Variants in CTNNA3 observed in about 807,000 individuals in gnomAD.
CTNNA3 encodes catenin alpha 3.
In CTNNA3, 76 loss-of-function variants were observed where a neutral mutation model predicts 95.7. That is an observed-to-expected ratio of 0.79 (90% CI 0.66 to 0.96). The LOEUF (loss-of-function observed/expected upper bound fraction) is 0.96, where lower values mean the gene tolerates loss of function less well. Ranked by LOEUF, CTNNA3 falls within the 40% of genes least tolerant of loss-of-function variation. The probability of loss-of-function intolerance (pLI) is 0.00; values close to 1 mark genes in which losing one functional copy is unlikely to be tolerated. For synonymous variants in CTNNA3, 431 were observed against 374.4 expected (o/e 1.15, Z -1.74); for missense variants, 1,191 against 1,089.8 (o/e 1.09, Z -1.31).
intron 7 of CTNNA3, among the ~76,000 whole-genome samples, chr10:66,907,677 A>AGT (rs1466134238): frequency 2.0e-5 from 3 of 152,172 alleles, no homozygotes; most frequent in Non-Finnish European, 4.4e-5. Context: ...TCACTCTACC[A>AGT]TCAATTATAG....
chr10:67,558,751 G>T (rs112654008), intron 3 of CTNNA3, among the ~76,000 whole-genome samples: 1 of 152,242 alleles, frequency 6.6e-6, no homozygotes, highest in African/African-American at 2.4e-5. Flanking sequence ...AGGGGTGACA[G>T]ATGGCACCTG....
At chr10:66,926,475 G>A (rs1277276577) in intron 7 of CTNNA3, 28 of 1,273,664 alleles carry the variant, frequency 2.2e-5, no homozygotes, top group Non-Finnish European at 3.1e-5. Flanking sequence ...TTTCTTCCTG[G>A]GTGTCAGCGA....
chr10:67,002,217 T>A (rs1564823880), intron 7 of CTNNA3, among the ~76,000 whole-genome samples: 2 of 152,182 alleles, frequency 1.3e-5, no homozygotes, highest in Admixed American at 1.3e-4. Context: ...GGAAGCTTTT[T>A]CAAAACAATA....
intron 7 of CTNNA3, among the ~76,000 whole-genome samples, chr10:67,153,085 C>A (rs7089961): frequency 2.0e-5 from 3 of 151,662 alleles, no homozygotes; most frequent in African/African-American, 7.3e-5. Flanking sequence ...AAGCGATTCT[C>A]CTGCCTCAGC....
intron 9 of CTNNA3, among the ~76,000 whole-genome samples, chr10:66,653,560 A>T (rs1845980404): frequency 6.6e-6 from 1 of 152,126 alleles, no homozygotes; most frequent in South Asian, 2.1e-4. Context: ...TGTAATCTGT[A>T]TTAAAATGCC....
rs568998773 is a variant in CTNNA3 at position 66,373,909 on chromosome 10, G to A, written c.1732+5243C>T. 4.6e-5 allele frequency among the ~76,000 whole-genome samples: 7 copies of A among 152,312 alleles called. No individual in the cohort carries two copies. The South Asian group carries it at 1.5e-3, about 32-fold the overall frequency. Reference sequence around the variant, plus strand: ...TCTGACCCCAAGTTTTCTGGAAGTGGCTAAGATCTAACTCTGGACAGTAAT... The same window carrying A: ...TCTGACCCCAAGTTTTCTGGAAGTGACTAAGATCTAACTCTGGACAGTAAT... On this transcript the variant is annotated intron_variant, in intron 12 of 17. Transcript: ENST00000433211.
chr10:66,515,017 T>A (rs1045560471), intron 11 of CTNNA3, among the ~76,000 whole-genome samples: 1 of 152,080 alleles, frequency 6.6e-6, no homozygotes, highest in Non-Finnish European at 1.5e-5. Flanking sequence ...ATTTCAAGAA[T>A]CTTTAGTCAA....
intron 5 of CTNNA3, among the ~76,000 whole-genome samples, chr10:67,513,706 C>T (rs1839713853): frequency 6.6e-6 from 1 of 152,196 alleles, no homozygotes; most frequent in African/African-American, 2.4e-5. Context: ...GCCTCCCAAA[C>T]CATGAACCCC....
At chr10:66,669,617 A>G (rs890570894) in intron 9 of CTNNA3, among the ~76,000 whole-genome samples, 2 of 152,154 alleles carry the variant, frequency 1.3e-5, no homozygotes, top group Admixed American at 6.5e-5. Context: ...TTCAACTGCC[A>G]TGTTTACCCA....
intron 5 of CTNNA3, among the ~76,000 whole-genome samples, chr10:67,299,039 C>T (rs1840158289): frequency 6.6e-6 from 1 of 152,082 alleles, no homozygotes; most frequent in Admixed American, 6.6e-5. Context: ...GCTGGGACTA[C>T]AAGCACGCAC....
chr10:66,215,151 G>A (rs2088441857), intron 13 of CTNNA3, among the ~76,000 whole-genome samples: 1 of 152,228 alleles, frequency 6.6e-6, no homozygotes, highest in Non-Finnish European at 1.5e-5. Context: ...TTTCCAATGA[G>A]AGGTGAAAAT....
rs572078714 is a variant in CTNNA3 at position 66,015,650 on chromosome 10, GT to G, written c.2160-26854del. Among the ~76,000 whole-genome samples, 89 of 151,868 alleles carry G rather than the reference GT, an allele frequency of 5.9e-4. 1 individual carries two copies. The highest frequency in any genetic ancestry group is 6.8e-3 in the Middle Eastern group (2 of 292). Reference sequence around the variant, plus strand: ...AAGTAACTGTGACTGAGATTGCTGGGTTGCAAAGCCTAAATTATACACTGGC... The same window carrying G: ...AAGTAACTGTGACTGAGATTGCTGGGTGCAAAGCCTAAATTATACACTGGC... On this transcript the variant is annotated intron_variant, in intron 15 of 17. Coordinates refer to ENST00000433211, the MANE Select transcript of CTNNA3 (RefSeq NM_013266.4).
At chr10:66,446,619 C>T (rs913581393) in intron 11 of CTNNA3, among the ~76,000 whole-genome samples, 15 of 151,990 alleles carry the variant, frequency 9.9e-5, no homozygotes, top group African/African-American at 3.4e-4. Context: ...TGACAAAATC[C>T]AAAAACCCTT....
chr10:66,781,106 T>C (rs983443985), intron 7 of CTNNA3, among the ~76,000 whole-genome samples: 16 of 136,510 alleles, frequency 1.2e-4, no homozygotes. Context: ...CACTAAGAGA[T>C]GAGGTTTAAA....
intron 13 of CTNNA3, among the ~76,000 whole-genome samples, chr10:66,130,555 A>G (rs7084660): frequency 0.83 from 126,047 of 151,984 alleles, 52,455 homozygotes; most frequent in South Asian, 0.92. Context: ...ATAGAAATAC[A>G]AAGAATCGGC....
intron 2 of CTNNA3, among the ~76,000 whole-genome samples, chr10:67,644,100 A>C (rs1839627308): frequency 6.6e-6 from 1 of 152,214 alleles, no homozygotes; most frequent in African/African-American, 2.4e-5. Flanking sequence ...ATCCTTGAGG[A>C]ATTGCCACAT....
At chr10:66,586,083 T>G (rs773387066) in intron 10 of CTNNA3, among the ~76,000 whole-genome samples, 1 of 152,064 alleles carries the variant, frequency 6.6e-6, no homozygotes, top group Non-Finnish European at 1.5e-5. Context: ...CAGATGCCGG[T>G]TGTAGTGGCA....
intron 6 of CTNNA3, among the ~76,000 whole-genome samples, chr10:67,198,935 A>G (rs1863507141): frequency 6.6e-6 from 1 of 151,950 alleles, no homozygotes; most frequent in Admixed American, 6.6e-5. Context: ...TATGATTTAC[A>G]TTTTTCATCC....
chr10:67,440,234 A>G (rs1337958838), intron 5 of CTNNA3, among the ~76,000 whole-genome samples: 2 of 152,290 alleles, frequency 1.3e-5, no homozygotes, highest in East Asian at 3.9e-4. Context: ...GGTGGTGGCG[A>G]TGGAAAGAGA....
Sources: gnomAD v4.1 joint callset for allele counts (sites outside exome capture counted in the v4.1 genomes callset) on GRCh38, gnomAD v4.1.1 for gene constraint, MANE v1.5 for transcripts, NCBI Gene and HGNC (gene_info 2026-07-23, HGNC 2026-07-21) for gene names.